The following NCOR1 variants were observed in gnomAD, a reference collection of about 807,000 sequenced individuals.
The protein encoded by NCOR1 is protein phosphatase 1, regulatory subunit 109.
NCOR1 carries 63 observed loss-of-function variants against 288.1 expected under a neutral mutation model. The observed-to-expected ratio is 0.22, with a 90% CI of 0.18 to 0.27. The LOEUF (loss-of-function observed/expected upper bound fraction) is 0.27. Ranked by LOEUF, NCOR1 falls within the 10% of genes least tolerant of loss-of-function variation. NCOR1 has a pLI of 1.00. For synonymous variants in NCOR1, 1,007 were observed against 1,065.9 expected (o/e 0.94, Z 1.08); for missense variants, 2,397 against 3,019.2 (o/e 0.79, Z 4.83).
chr17:16,195,743 C>A (rs2089637129), intron 1 of NCOR1, among the ~76,000 whole-genome samples: 1 of 152,056 alleles, frequency 6.6e-6, no homozygotes, highest in Non-Finnish European at 1.5e-5. Flanking sequence ...TTGTCAGGTC[C>A]CAGAGAATTC....
chr17:16,085,615 C>T (rs886187197), intron 23 of NCOR1, among the ~76,000 whole-genome samples: 54 of 152,182 alleles, frequency 3.5e-4, no homozygotes, highest in African/African-American at 1.3e-3. Context: ...CAAAAGAGTA[C>T]ACCATGTTTG....
At chr17:16,054,758 C>G (rs1008360520) in intron 40 of NCOR1, among the ~76,000 whole-genome samples, 11 of 151,944 alleles carry the variant, frequency 7.2e-5, no homozygotes, top group Admixed American at 2.0e-4. Context: ...AGTGAAAAAC[C>G]CTGTCTCTAC....
At chr17:16,164,956 A>C in intron 5 of NCOR1, 23 bp downstream of exon 5, 1 of 1,491,884 alleles carries the variant, frequency 6.7e-7, no homozygotes, top group Non-Finnish European at 9.0e-7. Context: ...CATTCTTAGA[A>C]TATATTAAGC....
intron 3 of NCOR1, among the ~76,000 whole-genome samples, chr17:16,176,529 A>G (rs1457506572): frequency 6.6e-6 from 1 of 152,152 alleles, no homozygotes; most frequent in Non-Finnish European, 1.5e-5. Flanking sequence ...TCAGCCTCCC[A>G]AAGTGCTGGG....
chr17:16,060,488 T>C (rs1440242606), intron 37 of NCOR1, among the ~76,000 whole-genome samples: 1 of 152,114 alleles, frequency 6.6e-6, no homozygotes, highest in African/African-American at 2.4e-5. Flanking sequence ...ATGCAGAAAA[T>C]CTATATTGCA....
chr17:16,204,504 C>A (rs1370101605), intron 1 of NCOR1, among the ~76,000 whole-genome samples: 1 of 152,204 alleles, frequency 6.6e-6, no homozygotes, highest in Non-Finnish European at 1.5e-5. Flanking sequence ...ACTATGACAA[C>A]CAATGTTTCC....
chr17:16,099,511 C>T (rs962659517), intron 20 of NCOR1, among the ~76,000 whole-genome samples: 1 of 152,110 alleles, frequency 6.6e-6, no homozygotes, highest in African/African-American at 2.4e-5. Context: ...AAGAAACCAT[C>T]ATATTTTTCC....
chr17:16,138,306 T>C lies in NCOR1; in HGVS notation c.1353-94A>G, dbSNP rs181337634. 2.3e-4 allele frequency: 245 copies of C among 1,080,372 alleles called. 1 individual carries two copies. Among genetic ancestry groups the C allele is most frequent in the Middle Eastern group, 9.1e-4 (4 of 4,402 alleles). 66.9% of individuals were successfully genotyped at this position (1,080,372 alleles called of 1,614,324 possible). ...GGGAAAAGAAAGACTATGTATAGGC[T>C]GGGCGTGGTGGCTCATGCCTGTAAT... On this transcript the variant is annotated intron_variant, in intron 12 of 45. Coordinates refer to ENST00000268712, the MANE Select transcript of NCOR1 (RefSeq NM_006311.4).
In NCOR1 at chr17:16,121,084, G is replaced by T. The variant is rs757834759; in HGVS notation, c.1820C>A (p.Pro607His). Residue 607 changes from proline to histidine, a missense_variant, in exon 16 of 46, where the codon CCC becomes CAC. Around this residue, in one of 11 missense-constraint regions of NCOR1, gnomAD observed 113 missense variants for 139.5 expected, o/e 0.81. Transcript: ENST00000268712. ...SAAAAAATEE[P>H]PPPLPPPPEP... The stretch of plus-strand genomic sequence containing the variant: ...TGGTGGCGGTGGCAGAGGTGGTGGG[G>T]GCTCTTCAGTAGCCGCTGCGGCTGC... 3 of 1,613,974 alleles carry T rather than the reference G, an allele frequency of 1.9e-6. No homozygotes were observed. The highest frequency in any genetic ancestry group is 2.5e-6 in the Non-Finnish European group (3 of 1,179,946).
chr17:16,034,710 A>C (rs1973777832), intron 45 of NCOR1, 55 bp downstream of exon 45: 1 of 1,448,072 alleles, frequency 6.9e-7, no homozygotes, highest in Admixed American at 2.1e-5. Flanking sequence ...ACTAATAACC[A>C]AGACATTGAT....
chr17:16,196,965 C>A (rs981947566), intron 1 of NCOR1, among the ~76,000 whole-genome samples: 4 of 151,898 alleles, frequency 2.6e-5, no homozygotes. Context: ...TGCAGTGAGC[C>A]GTGATTGTGC....
At chr17:16,152,306 G>A (rs994621089) in intron 7 of NCOR1, among the ~76,000 whole-genome samples, 1 of 147,430 alleles carries the variant, frequency 6.8e-6, no homozygotes, top group Non-Finnish European at 1.5e-5. Flanking sequence ...CCTCCCCCAT[G>A]CCCCACCCCC....
At chr17:16,098,118 A>T (rs2152970872) in intron 21 of NCOR1, among the ~76,000 whole-genome samples, 1 of 152,326 alleles carries the variant, frequency 6.6e-6, no homozygotes. Flanking sequence ...GGAAGAGAGG[A>T]GTTGTTTAAT....
intron 14 of NCOR1, among the ~76,000 whole-genome samples, chr17:16,134,027 A>G (rs1306637596): frequency 6.6e-6 from 1 of 152,176 alleles, no homozygotes; most frequent in African/African-American, 2.4e-5. Context: ...CTTACAAACT[A>G]TTCTCAACAG....
intron 10 of NCOR1, among the ~76,000 whole-genome samples, chr17:16,144,441 A>G (rs983073159): frequency 6.6e-6 from 1 of 152,186 alleles, no homozygotes; most frequent in African/African-American, 2.4e-5. Context: ...TTTCAACATA[A>G]AAGTTCTTTT....
At chr17:16,084,956 T>C (rs1462819766) in intron 23 of NCOR1, among the ~76,000 whole-genome samples, 2 of 152,190 alleles carry the variant, frequency 1.3e-5, no homozygotes, top group Non-Finnish European at 2.9e-5. Context: ...TATATATATT[T>C]AGACTATATA....
intron 1 of NCOR1, among the ~76,000 whole-genome samples, chr17:16,202,223 C>CAAAAAAAAA (rs35812448): frequency 1.0e-5 from 1 of 97,416 alleles, no homozygotes; most frequent in Non-Finnish European, 1.9e-5. Flanking sequence ...GACTCCATCT[C>CAAAAAAAAA]AAAAAAAAAA....
chr17:16,212,993 A>G (rs2092272067), intron 1 of NCOR1, among the ~76,000 whole-genome samples: 1 of 149,130 alleles, frequency 6.7e-6, no homozygotes, highest in Middle Eastern at 3.4e-3. Flanking sequence ...GGATCACCTG[A>G]GTCCAGAGGT....
intron 37 of NCOR1, 136 bp from the exon 38 acceptor site, chr17:16,058,735 G>T: frequency 1.1e-6 from 1 of 881,762 alleles, no homozygotes; most frequent in Non-Finnish European, 1.7e-6. Context: ...AGGGTTTTCT[G>T]AAGTTTTATG....
Sources: allele counts gnomAD v4.1 joint callset (sites outside exome capture counted in the v4.1 genomes callset), GRCh38; gene constraint gnomAD v4.1.1; regional missense constraint gnomAD v4.1.1; transcripts MANE v1.5; gene names NCBI Gene and HGNC (gene_info 2026-07-23, HGNC 2026-07-21).